Variants in CHAF1B observed in about 807,000 individuals in gnomAD.
CHAF1B encodes the protein chromatin assembly factor 1 subunit B, also known as CAF-1 subunit B.
Under a neutral mutation model 60.7 loss-of-function variants are expected in CHAF1B, and 10 were observed. The observed-to-expected ratio is 0.16, with a 90% CI of 0.10 to 0.28. CHAF1B has a LOEUF of 0.28. Ranked by LOEUF, CHAF1B falls within the 10% of genes least tolerant of loss-of-function variation. The pLI is 1.00. For missense variants in CHAF1B, 558 were observed against 708.4 expected, an observed-to-expected ratio of 0.79 and a Z score of 2.41; for synonymous variants, 261 against 266.1, an observed-to-expected ratio of 0.98 and a Z score of 0.19.
chr21:36,412,090 C>T (rs982010072), intron 11 of CHAF1B, among the ~76,000 whole-genome samples: 13 of 152,214 alleles, frequency 8.5e-5, no homozygotes, highest in African/African-American at 2.9e-4. Context: ...TGCCACAATA[C>T]TTGCTTCTTA....
At chr21:36,385,569 TGGGGCGGCG>T (rs1230377456) in intron 1 of CHAF1B, 118 bp downstream of exon 1, 2 of 151,788 alleles carry the variant, frequency 1.3e-5, no homozygotes, top group African/African-American at 4.8e-5. Flanking sequence ...CGGCGCGCGT[TGGGGCGGCG>T]GGGCCCCGTC....
chr21:36,412,746 A>G (rs2086287526), intron 11 of CHAF1B, 138 bp from the exon 12 acceptor site: 1 of 764,834 alleles, frequency 1.3e-6, no homozygotes, highest in African/African-American at 1.8e-5. Flanking sequence ...AGTCGCTATC[A>G]CACACTCTTT....
Position 36,397,494 on chromosome 21 carries a change from T to C in CHAF1B, c.561T>C (p.Ala187=), listed in dbSNP as rs2086151450. The C allele has an allele frequency of 5.9e-6, 9 of 1,536,072 alleles. No homozygotes were observed. The highest frequency in any genetic ancestry group is 1.2e-5 in the South Asian group (1 of 81,024). Residue 187 remains alanine, a synonymous_variant, in exon 6 of 14, where the codon GCT becomes GCC. Transcript: ENST00000314103. ...VTWDPLGQYV[A]TLSCDRVLRV... ...GGGACCCTTTGGGTCAATATGTTGC[T>C]ACTCTGAGCTGTGACAGGTAAATTC...
intron 10 of CHAF1B, among the ~76,000 whole-genome samples, chr21:36,409,956 ATTTTCT>A (rs1376816346): frequency 6.7e-6 from 1 of 148,460 alleles, no homozygotes; most frequent in South Asian, 2.1e-4. Flanking sequence ...CTCATTATCA[ATTTTCT>A]TTTTCTTTTT....
chr21:36,403,701 G>A (rs1485027307), intron 8 of CHAF1B, among the ~76,000 whole-genome samples: 4 of 152,180 alleles, frequency 2.6e-5, no homozygotes, highest in African/African-American at 9.6e-5. Context: ...TAGGTTTATT[G>A]TCCCTATGTC....
At chr21:36,401,865 C>T (rs965767349) in intron 7 of CHAF1B, among the ~76,000 whole-genome samples, 3 of 151,592 alleles carry the variant, frequency 2.0e-5, no homozygotes, top group South Asian at 2.1e-4. Context: ...CTCAGCCTCC[C>T]GAGAAGCTGG....
Position 36,413,153 on chromosome 21 carries a change from C to T in CHAF1B, c.1331C>T (p.Thr444Ile). Residue 444 changes from threonine to isoleucine, a missense_variant, in exon 12 of 14, where the codon ACA becomes ATA. Around this residue, in one of 2 missense-constraint regions of CHAF1B, gnomAD observed 233 missense variants for 214.9 expected, o/e 1.08. Coordinates refer to ENST00000314103, the MANE Select transcript of CHAF1B (RefSeq NM_005441.3). The stretch of plus-strand genomic sequence containing the variant: ...CAGGCCAGACAGGCCCCAGCCCCAA[C>T]AGTCATCAGGGACCCTCCCTCCATC... ...PPQARQAPAPTVIRDPPSITP... is the reference protein window; with the variant it reads ...PPQARQAPAPIVIRDPPSITP... 1.6e-5 allele frequency: 26 copies of T among 1,614,076 alleles called. No homozygotes were observed. Among genetic ancestry groups the T allele is most frequent in the Non-Finnish European group, 2.0e-5 (24 of 1,179,992 alleles).
intron 2 of CHAF1B, 70 bp from the exon 3 acceptor site, chr21:36,387,528 T>C: frequency 1.3e-6 from 2 of 1,573,260 alleles, no homozygotes; most frequent in Non-Finnish European, 1.7e-6. Context: ...GCCCATAGTA[T>C]TGTTTTAATA....
At chr21:36,398,273 C>G (rs547734789) in intron 6 of CHAF1B, 1 of 151,960 alleles carries the variant, frequency 6.6e-6, no homozygotes, top group Non-Finnish European at 1.5e-5. Context: ...AGGCTGGTCG[C>G]GAACTGTTGA....
rs1196238676 is a variant in CHAF1B at position 36,413,176 on chromosome 21, A to C, written c.1354A>C (p.Ile452Leu). Residue 452 changes from isoleucine (I) to leucine (L), a missense_variant, in exon 12 of 14, where the codon ATC becomes CTC. Coordinates refer to ENST00000314103, the MANE Select transcript of CHAF1B (RefSeq NM_005441.3). Reference protein sequence around the residue: ...APTVIRDPPSITPAVKSPLPG... With the variant: ...APTVIRDPPSLTPAVKSPLPG... ...AACAGTCATCAGGGACCCTCCCTCC[A>C]TCACTCCTGCTGTCAAAAGCCCCTT... 6.2e-7 allele frequency: 1 copy of C among 1,613,900 alleles called. No homozygotes were observed. The highest frequency in any genetic ancestry group is 2.2e-5 in the East Asian group (1 of 44,858).
At chr21:36,404,527 C>G (rs1387009863) in intron 8 of CHAF1B, among the ~76,000 whole-genome samples, 1 of 148,366 alleles carries the variant, frequency 6.7e-6, no homozygotes, top group Non-Finnish European at 1.5e-5. Flanking sequence ...CTCCGCCTCC[C>G]GGGTTCAAGC....
chr21:36,394,730 CTTTTTTTT>C, intron 5 of CHAF1B, 80 bp downstream of exon 5: 2 of 538,898 alleles, frequency 3.7e-6, no homozygotes, highest in South Asian at 2.1e-5. Flanking sequence ...CTTGCTTTAA[CTTTTTTTT>C]TTTTTTTTTT....
chr21:36,415,441 T>C (rs777760827), intron 13 of CHAF1B, 52 bp downstream of exon 13: 1 of 1,206,740 alleles, frequency 8.3e-7, no homozygotes, highest in Admixed American at 1.8e-5. Flanking sequence ...GTATCTTTTC[T>C]TTTGTTCTTT....
chr21:36,412,526 A>AT (rs2086286141), intron 11 of CHAF1B, among the ~76,000 whole-genome samples: 1 of 151,824 alleles, frequency 6.6e-6, no homozygotes, highest in South Asian at 2.1e-4. Context: ...TGGCTGGCTA[A>AT]TTTTTTTGTA....
chr21:36,401,671 TA>T (rs914791550), intron 7 of CHAF1B, among the ~76,000 whole-genome samples: 9 of 143,138 alleles, frequency 6.3e-5, no homozygotes, highest in Admixed American at 4.5e-4. Flanking sequence ...TTTATATATA[TA>T]AAAATATATC....
chr21:36,409,855 G>GTT (rs1005313002), intron 10 of CHAF1B, among the ~76,000 whole-genome samples: 17 of 133,964 alleles, frequency 1.3e-4, no homozygotes, highest in Non-Finnish European at 2.1e-4. Context: ...ATACATGTCA[G>GTT]TTTTTTTTTT....
At position 36,386,174 on chromosome 21, in the gene CHAF1B, A is replaced by G. The variant is rs539243544; in HGVS notation, c.38A>G (p.Lys13Arg). Reference sequence around the variant, plus strand: ...ACTTGTGAAATAGCCTGGCACAACAAGGAGCCCGTGTACAGCCTGGACTTC... The same window carrying G: ...ACTTGTGAAATAGCCTGGCACAACAGGGAGCCCGTGTACAGCCTGGACTTC... Reference protein sequence around the residue: ...VITCEIAWHNKEPVYSLDFQH... With the variant: ...VITCEIAWHNREPVYSLDFQH... The change falls in exon 2 of 14, where the codon AAG becomes AGG. Residue 13 changes from lysine (K) to arginine (R), a missense_variant. Physicochemically the swap from Lys to Arg is conservative, Grantham distance 26. Transcript: ENST00000314103. 1.9e-6 allele frequency: 3 copies of G among 1,614,204 alleles called. No individual in the cohort carries two copies. The African/African-American group carries it at 4.0e-5, about 22-fold the overall frequency.
rs777635024 is a variant in CHAF1B, at chr21:36,387,688, C to T, written c.217C>T (p.Arg73Cys). 6.8e-6 allele frequency: 11 copies of T among 1,614,022 alleles called. No homozygotes were observed. The highest frequency in any genetic ancestry group is 3.3e-5 in the South Asian group (3 of 91,082). Residue 73 changes from arginine (R) to cysteine (C), a missense_variant, in exon 3 of 14, where the codon CGT becomes TGT. Transcript: ENST00000314103. ...ARHTKAVNVV[R>C]FSPTGEILAS... ...TCATACCAAAGCCGTCAATGTTGTG[C>T]GTTTTTCTCCAACTGGGGAAATTTT...
intron 4 of CHAF1B, among the ~76,000 whole-genome samples, chr21:36,393,529 G>A (rs1601558414): frequency 7.3e-6 from 1 of 136,862 alleles, no homozygotes; most frequent in African/African-American, 2.7e-5. Context: ...TCGGCTCACC[G>A]CAACCTCTGC....
Sources: gnomAD v4.1 joint callset for allele counts (sites outside exome capture counted in the v4.1 genomes callset) on GRCh38, gnomAD v4.1.1 for gene constraint, gnomAD v4.1.1 regional missense constraint, MANE v1.5 for transcripts, NCBI Gene and HGNC (gene_info 2026-07-23, HGNC 2026-07-21) for gene names.